Variants in FAT4 observed in about 807,000 individuals in gnomAD.
FAT4 encodes the protein protocadherin Fat 4.
Under a neutral mutation model 303.9 loss-of-function variants are expected in FAT4, and 84 were observed. The ratio of observed to expected loss-of-function variants is 0.28; its 90% confidence interval spans 0.23 to 0.33. The LOEUF is 0.33. FAT4 is among the 10% of genes least tolerant of loss of function. The pLI is 1.00. For synonymous variants in FAT4, 2,307 were observed against 2,298.8 expected (o/e 1.00, Z -0.10); for missense variants, 6,005 against 6,146.8 (o/e 0.98, Z 0.77).
intron 6 of FAT4, 69 bp from the exon 7 acceptor site, chr4:125,416,377 TAA>T: frequency 7.5e-7 from 1 of 1,336,450 alleles, no homozygotes; most frequent in Non-Finnish European, 1.0e-6. Flanking sequence ...CATTTTTTTT[TAA>T]TGGAGGCATT....
chr4:125,329,205 G>A (rs1237252123), intron 2 of FAT4, among the ~76,000 whole-genome samples: 3 of 152,062 alleles, frequency 2.0e-5, no homozygotes, highest in Admixed American at 1.3e-4. Flanking sequence ...AGAGTTGCCT[G>A]TACCTGCATT....
rs1468079283 is a variant in FAT4, at chr4:125,317,825, C to T, written c.1414C>T (p.Pro472Ser). Reference sequence around the variant, plus strand: ...TTTTGTTAATGACATCAATGACCATCCTCCTGTCTTTTCACAGCAAGTGTA... The same window carrying T: ...TTTTGTTAATGACATCAATGACCATTCTCCTGTCTTTTCACAGCAAGTGTA... ...VIFVNDINDHPPVFSQQVYRV... is the reference protein window; with the variant it reads ...VIFVNDINDHSPVFSQQVYRV... The change falls in exon 2 of 18, where the codon CCT becomes TCT. Residue 472 changes from proline to serine, a missense_variant. Coordinates refer to ENST00000394329, the MANE Select transcript of FAT4 (RefSeq NM_001291303.3). This position sits in a 1 kb window ranked among gnomAD's most constrained non-coding sequence, Gnocchi z 7.0. The T allele has an allele frequency of 6.2e-7, 1 of 1,614,174 alleles. No individual in the cohort carries two copies. Among genetic ancestry groups the T allele is most frequent in the Non-Finnish European group, 8.5e-7 (1 of 1,180,020 alleles).
intron 5 of FAT4, among the ~76,000 whole-genome samples, chr4:125,410,163 T>C (rs1424654315): frequency 6.6e-6 from 1 of 152,190 alleles, no homozygotes; most frequent in Non-Finnish European, 1.5e-5. Context: ...AAGAGCATTT[T>C]GATGTTTCCT....
In FAT4 at chr4:125,458,936, C is replaced by G. The variant is rs549401219; in HGVS notation, c.11801-4627C>G. Among the ~76,000 whole-genome samples, 29 of 151,992 alleles carry G rather than the reference C, an allele frequency of 1.9e-4. 1 individual carries two copies. The highest frequency in any genetic ancestry group is 6.3e-4 in the African/African-American group (26 of 41,522). ...AACAATAATGGGAAACATTTGCATA[C>G]TGTGCAAAAGACAGCTACTTTTTGC... On this transcript the variant is annotated intron_variant, in intron 10 of 17. Transcript: ENST00000394329.
intron 7 of FAT4, among the ~76,000 whole-genome samples, chr4:125,419,165 A>G: frequency 6.6e-6 from 1 of 152,330 alleles, no homozygotes; most frequent in African/African-American, 2.4e-5. Context: ...TATTGATCAA[A>G]TAGATAAAAA....
chr4:125,400,945 T>C (rs1166099810), intron 3 of FAT4, among the ~76,000 whole-genome samples: 1 of 151,978 alleles, frequency 6.6e-6, no homozygotes, highest in Non-Finnish European at 1.5e-5. Flanking sequence ...TGACAATATG[T>C]ATGAGGTGTG....
intron 7 of FAT4, among the ~76,000 whole-genome samples, chr4:125,424,306 G>C (rs970260457): frequency 6.6e-6 from 1 of 152,136 alleles, no homozygotes; most frequent in Non-Finnish European, 1.5e-5. Context: ...TCTCCTAATA[G>C]TGAGTGAGTT....
intron 2 of FAT4, among the ~76,000 whole-genome samples, chr4:125,352,218 A>T (rs1352538731): frequency 6.6e-6 from 1 of 151,564 alleles, no homozygotes; most frequent in Non-Finnish European, 1.5e-5. Context: ...TAATTACGTT[A>T]GTGGTAATTA....
At chr4:125,440,686 C>T (rs1725632097) in intron 8 of FAT4, among the ~76,000 whole-genome samples, 1 of 143,704 alleles carries the variant, frequency 7.0e-6, no homozygotes, top group Non-Finnish European at 1.5e-5. Context: ...TGAACAAAAC[C>T]TCCAAATCTG....
chr4:125,355,924 G>A (rs972880101), intron 2 of FAT4, among the ~76,000 whole-genome samples: 3 of 151,922 alleles, frequency 2.0e-5, no homozygotes, highest in African/African-American at 7.3e-5. Flanking sequence ...TTCTATCACA[G>A]TTGCACCCCT....
At chr4:125,418,900 TAAATA>T (rs34253210) in intron 7 of FAT4, among the ~76,000 whole-genome samples, 150,722 of 152,128 alleles carry the variant, frequency 0.99, 74,678 homozygotes, top group East Asian at 1. Flanking sequence ...ATATGTGCAA[TAAATA>T]AAATAATGTT....
chr4:125,359,207 T>C (rs906248988), intron 2 of FAT4, among the ~76,000 whole-genome samples: 1 of 152,174 alleles, frequency 6.6e-6, no homozygotes, highest in Non-Finnish European at 1.5e-5. Flanking sequence ...TTTCCCCATT[T>C]TCCTAATGAG....
At chr4:125,414,074 A>G (rs1388860912) in intron 5 of FAT4, among the ~76,000 whole-genome samples, 1 of 152,026 alleles carries the variant, frequency 6.6e-6, no homozygotes, top group African/African-American at 2.4e-5. Context: ...TGAGGCAGAA[A>G]CTGACTTCTT....
intron 5 of FAT4, 145 bp downstream of exon 5, chr4:125,408,939 T>A: frequency 4.6e-6 from 2 of 436,696 alleles, no homozygotes; most frequent in Non-Finnish European, 8.0e-6. Flanking sequence ...ATAACTGAAC[T>A]GTAGAGGATT....
intron 2 of FAT4, among the ~76,000 whole-genome samples, chr4:125,359,947 A>G (rs982461954): frequency 1.3e-5 from 2 of 152,092 alleles, no homozygotes; most frequent in Non-Finnish European, 2.9e-5. Context: ...TGAAAACACT[A>G]CTTATTGACT....
At chr4:125,329,294 C>A (rs1409830889) in intron 2 of FAT4, among the ~76,000 whole-genome samples, 1 of 152,176 alleles carries the variant, frequency 6.6e-6, no homozygotes, top group Non-Finnish European at 1.5e-5. Context: ...CTTACTGAGG[C>A]CACTATGATG....
In FAT4 at chr4:125,408,535, C is replaced by A; in HGVS notation, c.5661C>A (p.Gly1887=). 6.2e-7 allele frequency: 1 copy of A among 1,612,802 alleles called. No homozygotes were observed. Among genetic ancestry groups the A allele is most frequent in the African/African-American group, 1.3e-5 (1 of 74,930 alleles). The change falls in exon 5 of 18, where the codon GGC becomes GGA. Residue 1887 remains glycine (G), a synonymous_variant. Transcript: ENST00000394329. ...TTGTGAATGAAGATGATGAAGATGG[C>A]ATCTTTTTCCTGAATCCTATTACTG... ...TYIVNEDDED[G]IFFLNPITGV...
intron 2 of FAT4, among the ~76,000 whole-genome samples, chr4:125,360,548 A>T (rs1045528090): frequency 3.9e-5 from 6 of 152,170 alleles, no homozygotes; most frequent in African/African-American, 1.4e-4. Flanking sequence ...GGAACTCTTT[A>T]ATCAAACCTA....
chr4:125,436,612 G>A (rs1456837058), intron 8 of FAT4, among the ~76,000 whole-genome samples: 1 of 152,082 alleles, frequency 6.6e-6, no homozygotes, highest in African/African-American at 2.4e-5. Flanking sequence ...AGTTTAATGG[G>A]CATATAGTTC....
Sources: gnomAD v4.1 joint callset for allele counts (sites outside exome capture counted in the v4.1 genomes callset) on GRCh38, gnomAD v4.1.1 for gene constraint, Gnocchi (gnomAD v3.1) non-coding constraint, MANE v1.5 for transcripts, NCBI Gene and HGNC (gene_info 2026-07-23, HGNC 2026-07-21) for gene names.